Variants in FXYD2 observed in about 807,000 individuals in gnomAD.
FXYD2 encodes sodium/potassium-transporting ATPase subunit gamma.
Under a neutral mutation model 11.8 loss-of-function variants are expected in FXYD2, and 8 were observed. The ratio of observed to expected loss-of-function variants is 0.68; its 90% CI spans 0.40 to 1.22. The LOEUF (loss-of-function observed/expected upper bound fraction) is 1.22. Among genes scored for constraint, FXYD2 ranks in the 50% most tolerant of loss-of-function variants. The pLI is 0.01. For missense variants in FXYD2, 92 were observed against 91.8 expected (o/e 1.00, Z -0.01); for synonymous variants, 42 against 33.3 (o/e 1.26, Z -0.90).
upstream of FXYD2, among the ~76,000 whole-genome samples, chr11:117,826,778 G>GTCTGTCTATCTGTCTGTCTATCTATCTA: frequency 7.9e-6 from 1 of 125,876 alleles, no homozygotes; most frequent in East Asian, 2.3e-4. Flanking sequence ...CTGTCTGTCT[G>GTCTGTCTATCTGTCTGTCTATCTATCTA]TCTATCTATC....
upstream of FXYD2, among the ~76,000 whole-genome samples, chr11:117,826,754 A>G (rs982897853): frequency 7.0e-5 from 10 of 143,594 alleles, no homozygotes; most frequent in African/African-American, 1.0e-4. Context: ...AAATAAATTC[A>G]TCTGTCTGTC....
At chr11:117,825,243 G>A (rs900141378), upstream of FXYD2, among the ~76,000 whole-genome samples, 1 of 152,230 alleles carries the variant, frequency 6.6e-6, no homozygotes, top group South Asian at 2.1e-4. Context: ...CGCCAAAGCT[G>A]ACCAGCAGTA....
rs2055864237 is a variant in FXYD2, at chr11:117,820,189, TGGCACGAGGCAGGAGTTGGCGATGC to T, written c.*165_*189del. On this transcript the variant is annotated 3_prime_UTR_variant, in exon 6 of 6. Transcript: ENST00000292079. ...CGCCGGCTTTATTATAAGCATGAGG[TGGCACGAGGCAGGAGTTGGCGATGC>T]CACCTGGGGGTCACATTGAGTCTGG... 1 of 162,588 alleles carries T rather than the reference TGGCACGAGGCAGGAGTTGGCGATGC, an allele frequency of 6.2e-6. No homozygotes were observed. Among genetic ancestry groups the T allele is most frequent in the African/African-American group, 2.4e-5 (1 of 41,724 alleles). The allele number at this position is 162,588 out of a possible 1,614,324, so 10.1% of individuals were successfully genotyped here.
chr11:117,823,668 GC>G, intron 1 of FXYD2, among the ~76,000 whole-genome samples: 1 of 152,340 alleles, frequency 6.6e-6, no homozygotes, highest in South Asian at 2.1e-4. Flanking sequence ...GGACGCTTCT[GC>G]CACAGCTAAG....
At chr11:117,821,526 CA>C in intron 3 of FXYD2, 1 of 985,980 alleles carries the variant, frequency 1.0e-6, no homozygotes, top group South Asian at 4.7e-5. Flanking sequence ...GCCCGATGAA[CA>C]CCTGGAGAAG....
rs1382229203 is a variant in FXYD2 at position 117,822,703 on chromosome 11, C to T, written c.40G>A (p.Gly14Arg). The T allele has an allele frequency of 2.5e-6, 4 of 1,610,278 alleles. No individual in the cohort carries two copies. Among genetic ancestry groups the T allele is most frequent in the East Asian group, 2.2e-5 (1 of 44,756 alleles). ...CCATAGTAGAACGGGTCCACGTCCC[C>T]CTTGGGGCTGCCGCCTAGGAGAGAG... ...LSMDGGGSPK[G>R]DVDPFYYDYE... is the part of the protein sequence containing the mutation. Residue 14 changes from glycine to arginine, a missense_variant, in exon 2 of 6, where the codon GGG becomes AGG. Transcript: ENST00000292079. The surrounding 1 kb of genome is among the most constrained non-coding windows in gnomAD (Gnocchi z 4.7).
chr11:117,822,315 C>A lies in FXYD2; in HGVS notation c.139+91G>T, dbSNP rs1187692302. 1 of 1,548,038 alleles carries A rather than the reference C, an allele frequency of 6.5e-7. No individual in the cohort carries two copies. Among genetic ancestry groups the A allele is most frequent in the African/African-American group, 1.4e-5 (1 of 72,968 alleles). On this transcript the variant is annotated intron_variant, in intron 3 of 5. Transcript: ENST00000292079. This position sits in a 1 kb window ranked among gnomAD's most constrained non-coding sequence, Gnocchi z 4.7. The stretch of plus-strand genomic sequence containing the variant: ...GCGTGGTGGGGAGGCTCACCCCTCC[C>A]TTGGCAACTCCCGAAAGCCAGCCTG...
chr11:117,822,470 G>C lies in FXYD2; in HGVS notation c.75C>G (p.Thr25=). The change falls in exon 3 of 6, where the codon ACC becomes ACG. Residue 25 remains threonine, a synonymous_variant. Coordinates refer to ENST00000292079, the MANE Select transcript of FXYD2 (RefSeq NM_001680.5). This position sits in a 1 kb window ranked among gnomAD's most constrained non-coding sequence, Gnocchi z 4.7. ...DVDPFYYDYE[T]VRNGGLIFAG... ...CGAAGATCAGGCCCCCATTGCGAAC[G>C]GTCTCATAGTCTCCGGAAAGAGAGG... 1 of 1,561,578 alleles carries C rather than the reference G, an allele frequency of 6.4e-7. No homozygotes were observed. The highest frequency in any genetic ancestry group is 8.7e-7 in the Non-Finnish European group (1 of 1,152,022).
At chr11:117,821,031 G>C in intron 3 of FXYD2, 136 bp from the exon 4 acceptor site, 1 of 1,042,444 alleles carries the variant, frequency 9.6e-7, no homozygotes, top group Non-Finnish European at 1.4e-6. Flanking sequence ...GGCCACGTTT[G>C]ACTGTCTCTA....
At chr11:117,821,491 C>A in intron 3 of FXYD2, 2 of 986,186 alleles carry the variant, frequency 2.0e-6, no homozygotes, top group Non-Finnish European at 2.4e-6. Context: ...AGAGACTGGG[C>A]CATCATGGTG....
At chr11:117,820,808 C>T in intron 4 of FXYD2, 51 bp downstream of exon 4, 1 of 1,613,866 alleles carries the variant, frequency 6.2e-7, no homozygotes, top group Non-Finnish European at 8.5e-7. Flanking sequence ...TCAGCCCGCC[C>T]CTCCTTCTCC....
chr11:117,820,387 G>T lies in FXYD2; in HGVS notation c.*7-15C>A. On this transcript the variant is annotated splice_polypyrimidine_tract_variant and intron_variant, in intron 5 of 5. Transcript: ENST00000292079. ...CACCGCCGAGGCTGAGAAGACAAAG[G>T]CAGGATGGGGTTGGGTGGGAGGCAG... The T allele has an allele frequency of 1.9e-6, 1 of 524,984 alleles. No homozygotes were observed. Among genetic ancestry groups the T allele is most frequent in the African/African-American group, 1.9e-5 (1 of 52,482 alleles). 32.5% of individuals were successfully genotyped at this position (524,984 alleles called of 1,614,324 possible).
chr11:117,825,416 G>A (rs568047750), upstream of FXYD2, among the ~76,000 whole-genome samples: 1 of 152,320 alleles, frequency 6.6e-6, no homozygotes, highest in African/African-American at 2.4e-5. Context: ...CTCTCGGATT[G>A]TGTCCTTGCC....
chr11:117,820,448 C>T, intron 5 of FXYD2, 76 bp from the exon 6 acceptor site: 1 of 594,208 alleles, frequency 1.7e-6, no homozygotes, highest in Non-Finnish European at 2.9e-6. Context: ...TTGTCCATCT[C>T]ACTTTTCTCC....
chr11:117,827,255 A>G (rs2056064529), upstream of FXYD2, among the ~76,000 whole-genome samples: 1 of 152,124 alleles, frequency 6.6e-6, no homozygotes, highest in South Asian at 2.1e-4. Context: ...ACAGAAATTA[A>G]TTCTTTTTTT....
At chr11:117,824,856 T>C (rs2845715), upstream of FXYD2, 13 of 784,686 alleles carry the variant, frequency 1.7e-5, no homozygotes, top group Non-Finnish European at 2.8e-5. This position sits in a 1 kb window ranked among gnomAD's most constrained non-coding sequence, Gnocchi z 4.0. Flanking sequence ...GAGGGGCTCC[T>C]TCTGCAGGGT....
upstream of FXYD2, among the ~76,000 whole-genome samples, chr11:117,826,770 G>GTCTA (rs1555040267): frequency 6.7e-5 from 9 of 134,360 alleles, no homozygotes; most frequent in African/African-American, 2.5e-4. Context: ...CTGTCTGTCT[G>GTCTA]TCTGTCTGTC....
In FXYD2 at chr11:117,822,201, G is replaced by A; in HGVS notation, c.139+205C>T. On this transcript the variant is annotated intron_variant, in intron 3 of 5. Transcript: ENST00000292079. The surrounding 1 kb of genome is among the most constrained non-coding windows in gnomAD (Gnocchi z 4.7). ...CGGCTCCTCCCGGGCCCACTGGAGG[G>A]TGCACTTGAGCAAGCAGGAACCTCA... 1 of 1,465,738 alleles carries A rather than the reference G, an allele frequency of 6.8e-7. No individual in the cohort carries two copies. Among genetic ancestry groups the A allele is most frequent in the Non-Finnish European group, 9.0e-7 (1 of 1,107,474 alleles). 90.8% of individuals were successfully genotyped at this position (1,465,738 alleles called of 1,614,324 possible). A position where few individuals can be genotyped will look rare whatever the true frequency, so the allele number is the denominator to read the frequency against.
At chr11:117,827,960 G>T, upstream of FXYD2, 1 of 1,387,716 alleles carries the variant, frequency 7.2e-7, no homozygotes, top group Non-Finnish European at 1.0e-6. Flanking sequence ...GTTAGAGCCT[G>T]AGCAGGGAGG....
Sources: gnomAD v4.1 joint callset for allele counts (sites outside exome capture counted in the v4.1 genomes callset) on GRCh38, gnomAD v4.1.1 for gene constraint, Gnocchi (gnomAD v3.1) non-coding constraint, MANE v1.5 for transcripts, NCBI Gene and HGNC (gene_info 2026-07-23, HGNC 2026-07-21) for gene names.